The following NFATC4 variants were observed in gnomAD, a reference collection of about 807,000 sequenced individuals.
The protein encoded by NFATC4 is nuclear factor of activated T cells 4, also known as nuclear factor of activated T-cells, cytoplasmic 4.
NFATC4 carries 25 observed loss-of-function variants against 73.4 expected under a neutral mutation model. The observed-to-expected ratio is 0.34, with a 90% CI of 0.25 to 0.48. The LOEUF (loss-of-function observed/expected upper bound fraction) is 0.48. NFATC4 is among the 20% of genes least tolerant of loss of function. The probability of loss-of-function intolerance (pLI) is 0.99; values close to 1 mark genes in which losing one functional copy is unlikely to be tolerated. For synonymous variants in NFATC4, 523 were observed against 510.3 expected (o/e 1.02, Z -0.34); for missense variants, 1,130 against 1,203.7 (o/e 0.94, Z 0.91).
At chr14:24,367,708 T>C (rs1194836428), upstream of NFATC4, 46 of 1,522,212 alleles carry the variant, frequency 3.0e-5, no homozygotes, top group East Asian at 1.1e-3. Flanking sequence ...GGTGCCACTC[T>C]GCCCCCAGGA....
chr14:24,368,166 A>G, upstream of NFATC4: 1 of 1,249,524 alleles, frequency 8.0e-7, no homozygotes, highest in Non-Finnish European at 1.0e-6. Flanking sequence ...TTTGGGGGAA[A>G]AAAGTTTGGA....
rs761337015 is a variant in NFATC4 at position 24,376,524 on chromosome 14, C to A, written c.2287C>A (p.Arg763=). Reference sequence around the variant, plus strand: ...CCCACCATCCTACAGACCGGGCCTGCGGATGTTCCCTGAGACTAGGGGTAC... The same window carrying A: ...CCCACCATCCTACAGACCGGGCCTGAGGATGTTCCCTGAGACTAGGGGTAC... The part of the protein sequence containing the change: ...GPPPSYRPGL[R]MFPETRGTTG... The change falls in exon 9 of 10, where the codon CGG becomes AGG. Residue 763 remains arginine (R), a synonymous_variant. Transcript: ENST00000250373. This position sits in a 1 kb window ranked among gnomAD's most constrained non-coding sequence, Gnocchi z 5.0. 2 of 1,613,968 alleles carry A rather than the reference C, an allele frequency of 1.2e-6. No individual in the cohort carries two copies. The highest frequency in any genetic ancestry group is 4.5e-5 in the East Asian group (2 of 44,866).
chr14:24,376,690 C>T lies in NFATC4; in HGVS notation c.2453C>T (p.Ala818Val). 6.2e-7 allele frequency: 1 copy of T among 1,613,734 alleles called. No individual in the cohort carries two copies. Residue 818 changes from alanine to valine, a missense_variant, in exon 9 of 10, where the codon GCA (alanine) becomes GTA (valine). Physicochemically the swap from Ala to Val is moderately conservative, Grantham distance 64. Transcript: ENST00000250373. This position sits in a 1 kb window ranked among gnomAD's most constrained non-coding sequence, Gnocchi z 5.0. The part of the protein sequence containing the change: ...PAPFRPPPLP[A>V]SPPLEGPFPS... Reference sequence around the variant, plus strand: ...CCCTTTCGGCCGCCTCCTCTTCCTGCATCCCCACCGCTTGAAGGCCCCTTC... The same window carrying T: ...CCCTTTCGGCCGCCTCCTCTTCCTGTATCCCCACCGCTTGAAGGCCCCTTC...
chr14:24,375,813 G>A, intron 7 of NFATC4, 98 bp downstream of exon 7: 6 of 1,551,336 alleles, frequency 3.9e-6, no homozygotes, highest in Non-Finnish European at 5.3e-6. Flanking sequence ...GACTTTTCTG[G>A]AGGAGGGAGA....
Position 24,372,608 on chromosome 14 carries a change from A to G in NFATC4, c.1359+5A>G, listed in dbSNP as rs938219933. On this transcript the variant is annotated splice_donor_5th_base_variant and intron_variant, in intron 3 of 9. Transcript: ENST00000250373. Reference sequence around the variant, plus strand: ...GGCGGTCACCCCGTAGTCAAGGTAAAGGACAGACAGCAGGCCTGATATCCT... The same window carrying G: ...GGCGGTCACCCCGTAGTCAAGGTAAGGGACAGACAGCAGGCCTGATATCCT... 7 of 1,613,778 alleles carry G rather than the reference A, an allele frequency of 4.3e-6. No individual in the cohort carries two copies. In the African/African-American group the frequency reaches 5.3e-5, roughly 12 times the overall value.
At chr14:24,374,901 C>T (rs985769229) in intron 6 of NFATC4, among the ~76,000 whole-genome samples, 1 of 152,010 alleles carries the variant, frequency 6.6e-6, no homozygotes, top group Admixed American at 6.5e-5. Flanking sequence ...GAGTTGCCAG[C>T]ACCAACCTGA....
At chr14:24,374,652 T>A in intron 6 of NFATC4, 186 bp downstream of exon 6, 1 of 554,144 alleles carries the variant, frequency 1.8e-6, no homozygotes, top group Non-Finnish European at 3.1e-6. Flanking sequence ...GACAGCAATC[T>A]AAAATGTTGA....
Position 24,377,986 on chromosome 14 carries a change from G to C in NFATC4, c.*281G>C. 1 of 573,200 alleles carries C rather than the reference G, an allele frequency of 1.7e-6. No individual in the cohort carries two copies. Among genetic ancestry groups the C allele is most frequent in the South Asian group, 2.2e-5 (1 of 45,684 alleles). The allele number at this position is 573,200 out of a possible 1,614,324, so 35.5% of individuals were successfully genotyped here. A position where few individuals can be genotyped will look rare whatever the true frequency, so the allele number is the denominator to read the frequency against. On this transcript the variant is annotated 3_prime_UTR_variant, in exon 10 of 10. Transcript: ENST00000250373. The surrounding 1 kb of genome is among the most constrained non-coding windows in gnomAD (Gnocchi z 4.2). Reference sequence around the variant, plus strand: ...ATGGACTGGAGTGAAGGCGTGTCTAGAGTGTGGGCTGGCTGTTGTGCTGGA... The same window carrying C: ...ATGGACTGGAGTGAAGGCGTGTCTACAGTGTGGGCTGGCTGTTGTGCTGGA...
chr14:24,375,920 C>G, intron 7 of NFATC4, 55 bp from the exon 8 acceptor site: 1 of 1,610,728 alleles, frequency 6.2e-7, no homozygotes, highest in Non-Finnish European at 8.5e-7. Flanking sequence ...CCTGGAAAGG[C>G]TGGGCTAAGC....
At position 24,368,193 on chromosome 14, in the gene NFATC4, C is replaced by T; in HGVS notation, c.-148C>T. Reference sequence around the variant, plus strand: ...AAGTTTGGAAAAGTTTCTATAATAACGAGGGGGCTTCTGGAGGGAGGCGGC... The same window carrying T: ...AAGTTTGGAAAAGTTTCTATAATAATGAGGGGGCTTCTGGAGGGAGGCGGC... On this transcript the variant is annotated 5_prime_UTR_variant, in exon 1 of 10. In the 5' UTR this introduces an upstream ATG that the reference lacks. Coordinates refer to ENST00000250373, the MANE Select transcript of NFATC4 (RefSeq NM_004554.5). 1 of 1,264,594 alleles carries T rather than the reference C, an allele frequency of 7.9e-7. No individual in the cohort carries two copies. Among genetic ancestry groups the T allele is most frequent in the Non-Finnish European group, 1.0e-6 (1 of 1,000,942 alleles). The allele number at this position is 1,264,594 out of a possible 1,614,324, so 78.3% of individuals were successfully genotyped here.
At chr14:24,375,741 TG>T (rs1594718817) in intron 7 of NFATC4, 26 bp downstream of exon 7, 3 of 303,920 alleles carry the variant, frequency 9.9e-6, no homozygotes, top group Non-Finnish European at 1.7e-5. Flanking sequence ...GGATACCTCC[TG>T]GGGGGCGGGG....
At chr14:24,371,338 G>A (rs1235883296) in intron 2 of NFATC4, among the ~76,000 whole-genome samples, 1 of 152,206 alleles carries the variant, frequency 6.6e-6, no homozygotes, top group Non-Finnish European at 1.5e-5. Context: ...TTTTGAGCAG[G>A]ATAATTCTTT....
rs879139888 is a variant in NFATC4, at chr14:24,370,422, C to T, written c.1024C>T (p.Pro342Ser). 2.5e-6 allele frequency: 4 copies of T among 1,614,098 alleles called. No homozygotes were observed. In the Admixed American group the frequency reaches 5.0e-5, roughly 20 times the overall value. The change falls in exon 2 of 10, where the codon CCT becomes TCT. Residue 342 changes from proline (P) to serine (S), a missense_variant. Transcript: ENST00000250373. ...RTSSEQAVALPRSEEPASCNG... is the reference protein window; with the variant it reads ...RTSSEQAVALSRSEEPASCNG... ...TTCCAGCGAGCAGGCAGTGGCTCTGCCTCGGTCTGAGGAGCCTGCCTCATG... is the reference window on the plus strand; with the variant it reads ...TTCCAGCGAGCAGGCAGTGGCTCTGTCTCGGTCTGAGGAGCCTGCCTCATG...
intron 5 of NFATC4, 97 bp from the exon 6 acceptor site, chr14:24,374,229 A>C: frequency 1.4e-6 from 2 of 1,430,216 alleles, no homozygotes; most frequent in Non-Finnish European, 1.9e-6. Flanking sequence ...GGGCTCCCTC[A>C]GAGCCCTGTG....
At chr14:24,367,871 C>G (rs140413698), upstream of NFATC4, 125 of 1,352,084 alleles carry the variant, frequency 9.2e-5, no homozygotes, top group African/African-American at 1.4e-3. Context: ...GCTCTCGGAC[C>G]CAGAACCTTG....
chr14:24,374,951 A>G (rs530974155), intron 6 of NFATC4, among the ~76,000 whole-genome samples: 1 of 151,616 alleles, frequency 6.6e-6, no homozygotes, highest in South Asian at 2.1e-4. Flanking sequence ...CAAGAGCCTC[A>G]GTCCCTATAT....
At chr14:24,368,999 C>T (rs901402745) in intron 1 of NFATC4, 25 of 1,243,622 alleles carry the variant, frequency 2.0e-5, no homozygotes, top group Non-Finnish European at 2.3e-5. Flanking sequence ...CTCGGCTGCA[C>T]CTCCGCCCCT....
intron 2 of NFATC4, among the ~76,000 whole-genome samples, 162 bp downstream of exon 2, chr14:24,370,756 C>T (rs547387040): frequency 1.3e-5 from 2 of 152,200 alleles, no homozygotes; most frequent in South Asian, 2.1e-4. Flanking sequence ...TTAAAGAGAA[C>T]TAGAAAAAAA....
At chr14:24,372,855 G>A (rs571270368) in intron 3 of NFATC4, 13 of 606,036 alleles carry the variant, frequency 2.1e-5, no homozygotes, top group East Asian at 8.5e-5. Flanking sequence ...ATGGTGGCCC[G>A]CCAGATATGG....
Sources: allele counts gnomAD v4.1 joint callset (sites outside exome capture counted in the v4.1 genomes callset), GRCh38; gene constraint gnomAD v4.1.1; non-coding constraint Gnocchi (gnomAD v3.1); transcripts MANE v1.5; gene names NCBI Gene and HGNC (gene_info 2026-07-23, HGNC 2026-07-21).